Variants in HSF2BP observed in about 807,000 individuals in gnomAD.
HSF2BP encodes heat shock transcription factor 2 binding protein, also known as heat shock factor 2-binding protein.
A neutral mutation model predicts 35.0 loss-of-function variants in HSF2BP; 35 were observed. The observed-to-expected ratio is 1.00, with a 90% CI of 0.76 to 1.32. The LOEUF (loss-of-function observed/expected upper bound fraction) is 1.32. HSF2BP is among the 40% of genes most tolerant of loss of function. HSF2BP has a pLI of 0.00. For missense variants in HSF2BP, 326 were observed against 321.7 expected (o/e 1.01, Z -0.10); for synonymous variants, 114 against 117.4 (o/e 0.97, Z 0.18).
At chr21:43,649,711 T>C (rs2082757096) in intron 3 of HSF2BP, among the ~76,000 whole-genome samples, 1 of 152,202 alleles carries the variant, frequency 6.6e-6, no homozygotes, top group Non-Finnish European at 1.5e-5. Flanking sequence ...AGGTGCCAAA[T>C]TGTCAAATGC....
intron 8 of HSF2BP, among the ~76,000 whole-genome samples, chr21:43,580,594 T>C (rs1018113572): frequency 1.4e-4 from 21 of 152,252 alleles, no homozygotes; most frequent in African/African-American, 4.8e-4. Flanking sequence ...AAGTCAATAA[T>C]GTTTGAGACA....
intron 8 of HSF2BP, among the ~76,000 whole-genome samples, chr21:43,571,808 T>A (rs1384364709): frequency 7.9e-6 from 1 of 127,140 alleles, no homozygotes; most frequent in African/African-American, 3.1e-5. Context: ...ATGCCCAGGG[T>A]TGAGGCCAGA....
At chr21:43,595,726 ATTTT>A (rs770855952) in intron 7 of HSF2BP, among the ~76,000 whole-genome samples, 41 of 58,434 alleles carry the variant, frequency 7.0e-4, no homozygotes, top group South Asian at 3.9e-3. Context: ...TAAGAGGCTA[ATTTT>A]TTTTTTTTTT....
intron 6 of HSF2BP, among the ~76,000 whole-genome samples, chr21:43,620,757 C>CCTGG (rs2082322890): frequency 2.6e-5 from 4 of 152,104 alleles, no homozygotes; most frequent in Non-Finnish European, 5.9e-5. Flanking sequence ...TCATCACCAT[C>CCTGG]AAACAGAAAT....
At chr21:43,622,986 G>GA (rs2082348149) in intron 6 of HSF2BP, among the ~76,000 whole-genome samples, 1 of 137,680 alleles carries the variant, frequency 7.3e-6, no homozygotes, top group African/African-American at 2.8e-5. Flanking sequence ...TTTTTTTTTC[G>GA]TAGAGATAGG....
chr21:43,622,581 A>C (rs2082343019), intron 6 of HSF2BP, among the ~76,000 whole-genome samples: 1 of 152,234 alleles, frequency 6.6e-6, no homozygotes, highest in Non-Finnish European at 1.5e-5. Flanking sequence ...AGACCAAGTC[A>C]CTATATAATG....
chr21:43,650,484 C>T (rs1226679997), intron 3 of HSF2BP, among the ~76,000 whole-genome samples: 2 of 152,040 alleles, frequency 1.3e-5, no homozygotes, highest in African/African-American at 4.8e-5. Context: ...GGATTACAGG[C>T]ATGAGCCACC....
At chr21:43,653,069 A>G (rs1294145456) in intron 3 of HSF2BP, among the ~76,000 whole-genome samples, 1 of 151,938 alleles carries the variant, frequency 6.6e-6, no homozygotes, top group Non-Finnish European at 1.5e-5. Context: ...CAGGGGGCAG[A>G]GGTTGCAGGG....
chr21:43,601,650 A>G (rs958964515), intron 7 of HSF2BP, among the ~76,000 whole-genome samples: 3 of 152,156 alleles, frequency 2.0e-5, no homozygotes, highest in Non-Finnish European at 2.9e-5. Flanking sequence ...ACAGAGACCA[A>G]TTCAGTGGCT....
chr21:43,617,227 G>A (rs1267986040), intron 6 of HSF2BP, among the ~76,000 whole-genome samples: 1 of 151,066 alleles, frequency 6.6e-6, no homozygotes, highest in African/African-American at 2.4e-5. Flanking sequence ...ATACATCGCT[G>A]AAGAAAAAAA....
intron 3 of HSF2BP, among the ~76,000 whole-genome samples, chr21:43,647,459 G>A (rs1034578916): frequency 6.6e-6 from 1 of 152,070 alleles, no homozygotes; most frequent in African/African-American, 2.4e-5. Context: ...TTGAACTCCT[G>A]ACCTCAAGTG....
chr21:43,613,995 C>T (rs762265032), intron 6 of HSF2BP, 48 bp from the exon 7 acceptor site: 2 of 1,345,476 alleles, frequency 1.5e-6, no homozygotes, highest in Non-Finnish European at 2.1e-6. Context: ...TGACTCAGAA[C>T]CTAGACAATT....
At position 43,595,358 on chromosome 21, in the gene HSF2BP, A is replaced by C. The variant is rs573912986; in HGVS notation, c.693-3030T>G. 2.0e-5 allele frequency among the ~76,000 whole-genome samples: 3 copies of C among 152,322 alleles called. No homozygotes were observed. The East Asian group carries it at 5.8e-4, about 29-fold the overall frequency. On this transcript the variant is annotated intron_variant, in intron 7 of 8. Transcript: ENST00000291560. Reference sequence around the variant, plus strand: ...AGAAAGAGAAGGCTGAGGTAGCTACATTAACAGAAAAGAAAACAGACTGAG... The same window carrying C: ...AGAAAGAGAAGGCTGAGGTAGCTACCTTAACAGAAAAGAAAACAGACTGAG...
chr21:43,604,477 A>T (rs999607740), intron 7 of HSF2BP, among the ~76,000 whole-genome samples: 1 of 100,130 alleles, frequency 1.0e-5, no homozygotes, highest in African/African-American at 3.3e-5. Flanking sequence ...CACAGCACGC[A>T]CACCATACAC....
At chr21:43,652,823 A>T (rs1334475288) in intron 3 of HSF2BP, among the ~76,000 whole-genome samples, 1 of 152,030 alleles carries the variant, frequency 6.6e-6, no homozygotes, top group African/African-American at 2.4e-5. Flanking sequence ...GTTTCATGAG[A>T]TAGGACTGCA....
At chr21:43,622,143 C>T (rs186312922) in intron 6 of HSF2BP, among the ~76,000 whole-genome samples, 1 of 152,046 alleles carries the variant, frequency 6.6e-6, no homozygotes, top group East Asian at 1.9e-4. Context: ...TTGTAAGCCT[C>T]ATGGTAACCA....
intron 8 of HSF2BP, among the ~76,000 whole-genome samples, chr21:43,580,073 G>A (rs1006217224): frequency 7.9e-5 from 12 of 151,840 alleles, no homozygotes; most frequent in African/African-American, 2.2e-4. Flanking sequence ...CAGGCCTCTC[G>A]GCCAGCCTCC....
intron 6 of HSF2BP, among the ~76,000 whole-genome samples, chr21:43,627,132 A>C (rs982034348): frequency 6.6e-6 from 1 of 152,176 alleles, no homozygotes; most frequent in Non-Finnish European, 1.5e-5. Flanking sequence ...CAAGCCTCCC[A>C]AAATGCTGGG....
At chr21:43,658,030 C>G in intron 2 of HSF2BP, 31 bp downstream of exon 2, 1 of 1,535,576 alleles carries the variant, frequency 6.5e-7, no homozygotes, top group Non-Finnish European at 8.7e-7. Flanking sequence ...GGTTCAAACA[C>G]GCTGGCGTCG....
Sources: gnomAD v4.1 joint callset for allele counts (sites outside exome capture counted in the v4.1 genomes callset) on GRCh38, gnomAD v4.1.1 for gene constraint, MANE v1.5 for transcripts, NCBI Gene and HGNC (gene_info 2026-07-23, HGNC 2026-07-21) for gene names.